STK32C: variants seen among roughly 807,000 people sequenced by gnomAD.
STK32C encodes the protein serine/threonine-protein kinase 32C.
Under a neutral mutation model 56.5 loss-of-function variants are expected in STK32C, and 31 were observed. That is an observed-to-expected ratio of 0.55 (90% CI 0.41 to 0.74). STK32C has a LOEUF of 0.74. Ranked by LOEUF, STK32C falls within the 30% of genes least tolerant of loss-of-function variation. The pLI, the probability that STK32C is intolerant of heterozygous loss-of-function variation, is 0.00. For synonymous variants in STK32C, 309 were observed against 289.4 expected (o/e 1.07, Z -0.69); for missense variants, 544 against 676.9 (o/e 0.80, Z 2.18).
At chr10:132,243,849 CAGGGGATCCCA>C (rs2063591960) in intron 2 of STK32C, among the ~76,000 whole-genome samples, 1 of 152,152 alleles carries the variant, frequency 6.6e-6, no homozygotes, top group African/African-American at 2.4e-5. Context: ...GGTGCTCTGC[CAGGGGATCCCA>C]CCCCTCAACC....
intron 1 of STK32C, among the ~76,000 whole-genome samples, chr10:132,306,552 G>C (rs980202606): frequency 6.6e-6 from 1 of 152,234 alleles, no homozygotes; most frequent in Non-Finnish European, 1.5e-5. Flanking sequence ...ACGCCGGCCT[G>C]AGGTCGTATT....
At chr10:132,224,334 T>C (rs1590172155) in intron 8 of STK32C, 73 bp downstream of exon 8, 1 of 1,114,612 alleles carries the variant, frequency 9.0e-7, no homozygotes, top group Non-Finnish European at 1.3e-6. Flanking sequence ...GGAGGGGGTG[T>C]CCCGAGCCGC....
chr10:132,260,048 C>T (rs888583368), intron 1 of STK32C, among the ~76,000 whole-genome samples: 11 of 150,720 alleles, frequency 7.3e-5, no homozygotes, highest in African/African-American at 2.0e-4. Context: ...CACAAATGCA[C>T]GCTGTGTAAA....
chr10:132,257,973 G>A (rs1418780864), intron 1 of STK32C, among the ~76,000 whole-genome samples: 1 of 152,212 alleles, frequency 6.6e-6, no homozygotes, highest in Non-Finnish European at 1.5e-5. Context: ...TCTCCTCAGT[G>A]CACGGACTCC....
chr10:132,242,309 G>C (rs536898373), intron 2 of STK32C, among the ~76,000 whole-genome samples: 2 of 152,102 alleles, frequency 1.3e-5, no homozygotes, highest in Admixed American at 6.5e-5. Context: ...CGGGACGAGT[G>C]GGGGGAGTGC....
At chr10:132,297,508 AT>A (rs1169006797) in intron 1 of STK32C, among the ~76,000 whole-genome samples, 2 of 152,046 alleles carry the variant, frequency 1.3e-5, no homozygotes, top group South Asian at 2.1e-4. Flanking sequence ...TTCAGAACAG[AT>A]TTTTTTTCCT....
chr10:132,236,704 G>C (rs900993533), intron 2 of STK32C, among the ~76,000 whole-genome samples: 1 of 152,218 alleles, frequency 6.6e-6, no homozygotes, highest in African/African-American at 2.4e-5. Flanking sequence ...GGCAGCCAGA[G>C]ATAGAAACTT....
chr10:132,227,521 ATGG>A (rs1293672173), intron 3 of STK32C, among the ~76,000 whole-genome samples: 8 of 151,710 alleles, frequency 5.3e-5, no homozygotes, highest in Non-Finnish European at 7.4e-5. Flanking sequence ...GGTGGTGGTA[ATGG>A]TGGTGACAAT....
chr10:132,301,136 C>CA (rs1287815245), intron 1 of STK32C, among the ~76,000 whole-genome samples: 1 of 150,614 alleles, frequency 6.6e-6, no homozygotes, highest in African/African-American at 2.4e-5. Context: ...TCCTAACGCC[C>CA]AGTAGAAGGC....
At chr10:132,325,188 T>C (rs1427356904) in intron 1 of STK32C, among the ~76,000 whole-genome samples, 1 of 152,080 alleles carries the variant, frequency 6.6e-6, no homozygotes, top group African/African-American at 2.4e-5. Flanking sequence ...AACTGAATCA[T>C]GGGGACAAGT....
At chr10:132,329,944 C>T (rs1460483089) in intron 1 of STK32C, among the ~76,000 whole-genome samples, 2 of 152,072 alleles carry the variant, frequency 1.3e-5, no homozygotes, top group African/African-American at 4.8e-5. Context: ...AGCAATGCCA[C>T]GGGCAGCAAA....
chr10:132,271,588 C>T (rs1317678942), intron 1 of STK32C, among the ~76,000 whole-genome samples: 1 of 152,216 alleles, frequency 6.6e-6, no homozygotes, highest in African/African-American at 2.4e-5. Flanking sequence ...GTGGCCGTGG[C>T]GTCAGCATGA....
At chr10:132,247,616 C>T (rs867939847) in intron 1 of STK32C, among the ~76,000 whole-genome samples, 7 of 152,058 alleles carry the variant, frequency 4.6e-5, no homozygotes, top group Non-Finnish European at 1.0e-4. Flanking sequence ...TGGGCACAGG[C>T]AGGAAAAGGA....
intron 2 of STK32C, 123 bp from the exon 3 acceptor site, chr10:132,228,251 G>C: frequency 7.9e-7 from 1 of 1,270,550 alleles, no homozygotes; most frequent in South Asian, 1.2e-5. Flanking sequence ...ACCTGGGGAC[G>C]CGCCGCAGCC....
At chr10:132,293,222 G>A (rs921832493) in intron 1 of STK32C, among the ~76,000 whole-genome samples, 4 of 152,286 alleles carry the variant, frequency 2.6e-5, no homozygotes, top group Admixed American at 1.3e-4. Context: ...AGGATGGAGT[G>A]GCCATCGCTA....
chr10:132,227,472 G>A (rs1335972895), intron 3 of STK32C, among the ~76,000 whole-genome samples: 1 of 152,092 alleles, frequency 6.6e-6, no homozygotes, highest in Non-Finnish European at 1.5e-5. Flanking sequence ...GAGGACTGAG[G>A]GTGGTGGTGA....
At chr10:132,324,048 C>T (rs1195196166) in exon 2 of STK32C, 2 of 598,874 alleles carry the variant, frequency 3.3e-6, no homozygotes, top group Admixed American at 2.9e-5. Flanking sequence ...CCTAACCACA[C>T]CTTAAACCCC....
intron 1 of STK32C, among the ~76,000 whole-genome samples, chr10:132,281,015 C>T (rs138729018): frequency 0.025 from 3,740 of 149,720 alleles, 67 homozygotes; most frequent in Non-Finnish European, 0.042. Flanking sequence ...CGCCCCTGCA[C>T]TCCGTGATCA....
At position 132,307,850 on chromosome 10, in the gene STK32C, G is replaced by C. The variant is rs745928412; in HGVS notation, c.-17C>G. The C allele has an allele frequency of 2.6e-6, 3 of 1,142,796 alleles. No homozygotes were observed. Among genetic ancestry groups the C allele is most frequent in the African/African-American group, 1.7e-5 (1 of 58,236 alleles). 70.8% of individuals were successfully genotyped at this position (1,142,796 alleles called of 1,614,324 possible). A position where few individuals can be genotyped will look rare whatever the true frequency, so the allele number is the denominator to read the frequency against. On this transcript the variant is annotated 5_prime_UTR_variant, in exon 1 of 12. Transcript: ENST00000298630. This position sits in a 1 kb window ranked among gnomAD's most constrained non-coding sequence, Gnocchi z 4.4. Reference sequence around the variant, plus strand: ...ACTCCTCATCGCCGGGTCTGGGTGCGCGCGGCAGCCGGAACTCGGGGCATG... The same window carrying C: ...ACTCCTCATCGCCGGGTCTGGGTGCCCGCGGCAGCCGGAACTCGGGGCATG...
Sources: gnomAD v4.1 joint callset for allele counts (sites outside exome capture counted in the v4.1 genomes callset) on GRCh38, gnomAD v4.1.1 for gene constraint, Gnocchi (gnomAD v3.1) non-coding constraint, MANE v1.5 for transcripts, NCBI Gene and HGNC (gene_info 2026-07-23, HGNC 2026-07-21) for gene names.